INTS9: variants seen among roughly 807,000 people sequenced by gnomAD.
INTS9 encodes integrator complex subunit 9.
INTS9 carries 55 observed loss-of-function variants against 79.7 expected under a neutral mutation model. The observed-to-expected ratio is 0.69, with a 90% confidence interval of 0.56 to 0.86. The LOEUF is 0.86. Among genes scored for constraint, INTS9 ranks in the 40% least tolerant of loss-of-function variants. The pLI is 0.00. For synonymous variants in INTS9, 319 were observed against 325.2 expected, an observed-to-expected ratio of 0.98 and a Z score of 0.20; for missense variants, 721 against 831.5, an observed-to-expected ratio of 0.87 and a Z score of 1.64.
intron 5 of INTS9, among the ~76,000 whole-genome samples, chr8:28,837,141 A>G (rs1806850737): frequency 6.6e-6 from 1 of 152,216 alleles, no homozygotes; most frequent in Non-Finnish European, 1.5e-5. Context: ...TAGACTGCTC[A>G]GTTTCACTCT....
At position 28,888,453 on chromosome 8, in the gene INTS9, GGC is replaced by G. The variant is rs1810292133; in HGVS notation, c.9+1419_9+1420del. ...CCCAGCTATATGGGGAGACTGACGC[GGC>G]GAGAGGATCGCTTGAGTCCGAAAGG... On this transcript the variant is annotated intron_variant, in intron 1 of 16. Coordinates refer to ENST00000521022, the MANE Select transcript of INTS9 (RefSeq NM_018250.4). Among the ~76,000 whole-genome samples, 3 of 2,344 alleles carry G rather than the reference GGC, an allele frequency of 1.3e-3. 1 individual carries two copies. The South Asian group carries it at 0.025, about 20-fold the overall frequency. 1.5% of individuals were successfully genotyped at this position (2,344 alleles called of 152,430 possible).
At chr8:28,886,512 G>T (rs1054083848) in intron 1 of INTS9, among the ~76,000 whole-genome samples, 11 of 152,194 alleles carry the variant, frequency 7.2e-5, no homozygotes, top group Admixed American at 5.9e-4. Context: ...CTCCCAAAGT[G>T]CTGGGATTAC....
intron 1 of INTS9, among the ~76,000 whole-genome samples, chr8:28,889,247 C>T (rs1157980413): frequency 3.9e-5 from 6 of 152,090 alleles, no homozygotes; most frequent in African/African-American, 1.4e-4. Flanking sequence ...TCAGGTATAC[C>T]GAGCACGCTT....
chr8:28,820,051 C>A (rs996158625), intron 6 of INTS9, among the ~76,000 whole-genome samples: 3 of 152,160 alleles, frequency 2.0e-5, no homozygotes, highest in African/African-American at 7.2e-5. Flanking sequence ...TGTGTCTCTG[C>A]ACGTAAGATG....
chr8:28,872,829 CT>C (rs1321727629), intron 1 of INTS9, among the ~76,000 whole-genome samples: 1 of 152,212 alleles, frequency 6.6e-6, no homozygotes, highest in African/African-American at 2.4e-5. Flanking sequence ...GCCACCATTA[CT>C]TCAGGCTTTC....
At chr8:28,880,589 G>C (rs1044419571) in intron 1 of INTS9, among the ~76,000 whole-genome samples, 176 of 151,454 alleles carry the variant, frequency 1.2e-3, no homozygotes, top group African/African-American at 4.0e-3. Context: ...GGAGTGCAGC[G>C]GCGTGATCTC....
chr8:28,867,419 CA>C (rs199758511), intron 1 of INTS9, among the ~76,000 whole-genome samples: 22 of 144,592 alleles, frequency 1.5e-4, no homozygotes, highest in African/African-American at 5.3e-4. Context: ...ACTCCGTCTA[CA>C]AAAAAAAATT....
At chr8:28,882,647 ACAC>A (rs1809958241) in intron 1 of INTS9, among the ~76,000 whole-genome samples, 4 of 151,960 alleles carry the variant, frequency 2.6e-5, no homozygotes, top group African/African-American at 9.7e-5. Context: ...ATCTTATTAT[ACAC>A]CTCCCCCACC....
intron 10 of INTS9, among the ~76,000 whole-genome samples, chr8:28,791,480 C>T (rs892645927): frequency 6.6e-6 from 1 of 152,164 alleles, no homozygotes; most frequent in Admixed American, 6.5e-5. Flanking sequence ...GGCAGACCAC[C>T]CAACTCATCC....
intron 14 of INTS9, among the ~76,000 whole-genome samples, chr8:28,771,663 CATGAAATAAGAAAA>C (rs1802547223): frequency 6.6e-6 from 1 of 152,244 alleles, no homozygotes; most frequent in Non-Finnish European, 1.5e-5. Flanking sequence ...AGGCCTGTTT[CATGAAATAAGAAAA>C]CGGCCTATGG....
At chr8:28,779,319 C>T (rs1803095040) in intron 12 of INTS9, among the ~76,000 whole-genome samples, 1 of 152,200 alleles carries the variant, frequency 6.6e-6, no homozygotes, top group Admixed American at 6.5e-5. Flanking sequence ...GTCCTGGTGA[C>T]CGGGGCCTCT....
At chr8:28,809,656 C>T (rs190746446) in intron 8 of INTS9, among the ~76,000 whole-genome samples, 191 of 152,176 alleles carry the variant, frequency 1.3e-3, no homozygotes, top group Middle Eastern at 6.8e-3. Context: ...CAGGACAAAT[C>T]GCGAGAGTTG....
chr8:28,770,795 C>T (rs1585318041), intron 15 of INTS9, among the ~76,000 whole-genome samples, 187 bp downstream of exon 15: 1 of 152,244 alleles, frequency 6.6e-6, no homozygotes, highest in Non-Finnish European at 1.5e-5. Flanking sequence ...CAGAATGTGC[C>T]TGTGGCAGCC....
chr8:28,877,405 A>C (rs1437931869), intron 1 of INTS9, among the ~76,000 whole-genome samples: 7 of 152,182 alleles, frequency 4.6e-5, no homozygotes, highest in Non-Finnish European at 1.5e-5. Flanking sequence ...CAGTGAGAAA[A>C]AAACAAGTTT....
chr8:28,861,345 T>C (rs1158169937), intron 1 of INTS9, among the ~76,000 whole-genome samples: 1 of 152,224 alleles, frequency 6.6e-6, no homozygotes, highest in Non-Finnish European at 1.5e-5. Context: ...AAAGATAAAC[T>C]ATCTCAAAAT....
chr8:28,805,479 A>C (rs1006010795), intron 8 of INTS9, among the ~76,000 whole-genome samples: 5 of 152,252 alleles, frequency 3.3e-5, no homozygotes, highest in Non-Finnish European at 7.3e-5. Flanking sequence ...ATGTTATGAG[A>C]TCCTGTTTAT....
chr8:28,836,228 A>C (rs1291264656), intron 5 of INTS9, among the ~76,000 whole-genome samples: 1 of 152,242 alleles, frequency 6.6e-6, no homozygotes, highest in Non-Finnish European at 1.5e-5. Context: ...AATGCAGAAG[A>C]CTAGCTCTCT....
intron 2 of INTS9, among the ~76,000 whole-genome samples, chr8:28,854,022 A>C (rs1808005669): frequency 6.6e-6 from 1 of 152,070 alleles, no homozygotes; most frequent in African/African-American, 2.4e-5. Flanking sequence ...CGCCTGGCCC[A>C]CAATTTCTTT....
At chr8:28,862,666 T>C (rs1440196885) in intron 1 of INTS9, among the ~76,000 whole-genome samples, 1 of 152,222 alleles carries the variant, frequency 6.6e-6, no homozygotes, top group Non-Finnish European at 1.5e-5. Flanking sequence ...TACAATGTCA[T>C]TGGTAATATA....
Sources: allele counts gnomAD v4.1 joint callset (sites outside exome capture counted in the v4.1 genomes callset), GRCh38; gene constraint gnomAD v4.1.1; transcripts MANE v1.5; gene names NCBI Gene and HGNC (gene_info 2026-07-23, HGNC 2026-07-21).